CDYL2: variants seen among roughly 807,000 people sequenced by gnomAD.
The protein encoded by CDYL2 is chromodomain Y like 2, also known as chromodomain Y-like protein 2.
In CDYL2, 23 loss-of-function variants were observed where a neutral mutation model predicts 49.4. That is an observed-to-expected ratio of 0.47 (90% CI 0.34 to 0.66). The LOEUF (loss-of-function observed/expected upper bound fraction) is 0.66, where lower values mean the gene tolerates loss of function less well. Ranked by LOEUF, CDYL2 falls within the 30% of genes least tolerant of loss-of-function variation. The probability of loss-of-function intolerance (pLI) is 0.01; values close to 1 mark genes in which losing one functional copy is unlikely to be tolerated. For missense variants in CDYL2, 678 were observed against 656.4 expected, an observed-to-expected ratio of 1.03 and a Z score of -0.36; for synonymous variants, 360 against 268.8, an observed-to-expected ratio of 1.34 and a Z score of -3.32.
intron 2 of CDYL2, among the ~76,000 whole-genome samples, chr16:80,641,891 G>T (rs1908107894): frequency 6.7e-6 from 1 of 148,838 alleles, no homozygotes; most frequent in South Asian, 2.1e-4. Context: ...AAAACTTAAA[G>T]TATAATAATA....
intron 4 of CDYL2, among the ~76,000 whole-genome samples, chr16:80,618,624 C>G (rs868534962): frequency 4.6e-5 from 7 of 152,182 alleles, no homozygotes; most frequent in African/African-American, 9.7e-5. Flanking sequence ...AGTGACCCAG[C>G]TACAATACCT....
chr16:80,791,091 G>T (rs1032336874), intron 1 of CDYL2, among the ~76,000 whole-genome samples: 1 of 152,102 alleles, frequency 6.6e-6, no homozygotes, highest in Non-Finnish European at 1.5e-5. Context: ...ACATCCAAGA[G>T]TTCTGCCATT....
Position 80,598,439 on chromosome 16 carries a change from C to T in CDYL2, c.*5949G>A, listed in dbSNP as rs918866348. 1 of 152,078 alleles carries T rather than the reference C, an allele frequency of 6.6e-6. No homozygotes were observed. The highest frequency in any genetic ancestry group is 1.5e-5 in the Non-Finnish European group (1 of 68,002). The allele number at this position is 152,078 out of a possible 1,614,324, so 9.4% of individuals were successfully genotyped here. A position where few individuals can be genotyped will look rare whatever the true frequency, so the allele number is the denominator to read the frequency against. ...TCAACTGGTCAATGGATCAATGATTCCATCATGAATGAGAATGGAGAGAGA... is the reference window on the plus strand; with the variant it reads ...TCAACTGGTCAATGGATCAATGATTTCATCATGAATGAGAATGGAGAGAGA... On this transcript the variant is annotated 3_prime_UTR_variant, in exon 7 of 7. Transcript: ENST00000570137.
intron 1 of CDYL2, among the ~76,000 whole-genome samples, chr16:80,758,723 T>G (rs1338505126): frequency 6.6e-6 from 1 of 151,964 alleles, no homozygotes; most frequent in East Asian, 1.9e-4. Flanking sequence ...TTTGTATTTT[T>G]AGTAGAGACA....
At chr16:80,712,813 C>G (rs1904665778) in intron 1 of CDYL2, among the ~76,000 whole-genome samples, 1 of 152,164 alleles carries the variant, frequency 6.6e-6, no homozygotes, top group African/African-American at 2.4e-5. Context: ...TTCCTTTCAT[C>G]TGATGTATGT....
chr16:80,614,136 C>CAAAT (rs780507615), intron 4 of CDYL2, among the ~76,000 whole-genome samples: 1 of 152,360 alleles, frequency 6.6e-6, no homozygotes, highest in Middle Eastern at 3.4e-3. Context: ...AGCTGTTGAG[C>CAAAT]AAATACATGA....
At chr16:80,755,164 G>A (rs186354045) in intron 1 of CDYL2, among the ~76,000 whole-genome samples, 209 of 152,260 alleles carry the variant, frequency 1.4e-3, no homozygotes, top group South Asian at 2.7e-3. Flanking sequence ...AGATGACAAA[G>A]TATGTGACAT....
chr16:80,708,299 T>C (rs1171656075), intron 1 of CDYL2, among the ~76,000 whole-genome samples: 2 of 152,164 alleles, frequency 1.3e-5, no homozygotes, highest in East Asian at 1.9e-4. Flanking sequence ...GTTTTTCCCA[T>C]ACTCTTCTTG....
At chr16:80,647,887 A>G (rs1172721342) in intron 2 of CDYL2, among the ~76,000 whole-genome samples, 1 of 152,180 alleles carries the variant, frequency 6.6e-6, no homozygotes, top group Non-Finnish European at 1.5e-5. Flanking sequence ...TAGAAACTAT[A>G]CAAATACATG....
chr16:80,644,390 C>G lies in CDYL2; in HGVS notation c.617-11154G>C, dbSNP rs139138341. On this transcript the variant is annotated intron_variant, in intron 2 of 6. Transcript: ENST00000570137. ...CTTCTTCTGAGCCTTCCAAACTGTT[C>G]CAATCTCTGCCTGTTACCCAGTTCC... is the stretch of plus-strand genomic sequence containing the variant. Among the ~76,000 whole-genome samples the G allele has an allele frequency of 2.2e-3, 340 of 152,328 alleles. 1 individual carries two copies. The highest frequency in any genetic ancestry group is 7.9e-3 in the African/African-American group (327 of 41,578).
chr16:80,644,577 C>G (rs1474292751), intron 2 of CDYL2, among the ~76,000 whole-genome samples: 1 of 152,202 alleles, frequency 6.6e-6, no homozygotes, highest in Non-Finnish European at 1.5e-5. Context: ...ATCATGGCAG[C>G]ATGCGAAAGG....
At chr16:80,626,732 C>G (rs1296350495) in intron 3 of CDYL2, among the ~76,000 whole-genome samples, 1 of 152,176 alleles carries the variant, frequency 6.6e-6, no homozygotes, top group East Asian at 1.9e-4. Flanking sequence ...AAAGACTCCA[C>G]AGGCATCATC....
At chr16:80,741,510 G>T (rs1221769668) in intron 1 of CDYL2, among the ~76,000 whole-genome samples, 1 of 152,096 alleles carries the variant, frequency 6.6e-6, no homozygotes, top group African/African-American at 2.4e-5. Context: ...TGCAGCATAG[G>T]TGGTAAAGTT....
chr16:80,727,926 A>G (rs1905217568), intron 1 of CDYL2, among the ~76,000 whole-genome samples: 2 of 152,236 alleles, frequency 1.3e-5, no homozygotes, highest in South Asian at 4.1e-4. Flanking sequence ...CAGAAAGGAC[A>G]TGCATACCAA....
intron 2 of CDYL2, among the ~76,000 whole-genome samples, chr16:80,666,932 G>C (rs138998823): frequency 6.4e-4 from 98 of 152,332 alleles, no homozygotes; most frequent in African/African-American, 2.3e-3. Context: ...CAAAAATGGA[G>C]ACCATCCCTC....
chr16:80,747,382 A>T (rs567574992), intron 1 of CDYL2, among the ~76,000 whole-genome samples: 1 of 152,294 alleles, frequency 6.6e-6, no homozygotes, highest in East Asian at 1.9e-4. Context: ...AGGAGAATAA[A>T]AATACCTATA....
Position 80,598,041 on chromosome 16 carries a change from G to A in CDYL2, c.*6347C>T, listed in dbSNP as rs1905916381. 6.6e-6 allele frequency: 1 copy of A among 152,160 alleles called. No individual in the cohort carries two copies. Among genetic ancestry groups the A allele is most frequent in the Admixed American group, 6.5e-5 (1 of 15,270 alleles). 9.4% of individuals were successfully genotyped at this position (152,160 alleles called of 1,614,324 possible). A position where few individuals can be genotyped will look rare whatever the true frequency, so the allele number is the denominator to read the frequency against. ...TTACAGGACCATTCACAAAGAGAGT[G>A]TACAATTTGCTCTAGACAGTCAGGA... On this transcript the variant is annotated 3_prime_UTR_variant, in exon 7 of 7. Coordinates refer to ENST00000570137, the MANE Select transcript of CDYL2 (RefSeq NM_152342.4).
rs182816996 is a variant in CDYL2 at position 80,788,831 on chromosome 16, C to T, written c.24+15319G>A. On this transcript the variant is annotated intron_variant, in intron 1 of 6. Transcript: ENST00000570137. ...TGGCACATATTAAATGCTATTATTACTGTTTTTATTATGCCCTCATCAAAG... is the reference window on the plus strand; with the variant it reads ...TGGCACATATTAAATGCTATTATTATTGTTTTTATTATGCCCTCATCAAAG... Among the ~76,000 whole-genome samples the T allele has an allele frequency of 5.8e-3, 884 of 152,242 alleles. 6 individuals carry two copies. Among genetic ancestry groups the T allele is most frequent in the African/African-American group, 0.021 (856 of 41,544 alleles).
chr16:80,716,894 G>A (rs763751391), intron 1 of CDYL2, among the ~76,000 whole-genome samples: 1 of 152,020 alleles, frequency 6.6e-6, no homozygotes, highest in South Asian at 2.1e-4. Context: ...TGGATGGATG[G>A]ATGGATGGAT....
Sources: gnomAD v4.1 joint callset for allele counts (sites outside exome capture counted in the v4.1 genomes callset) on GRCh38, gnomAD v4.1.1 for gene constraint, MANE v1.5 for transcripts, NCBI Gene and HGNC (gene_info 2026-07-23, HGNC 2026-07-21) for gene names.